Variants in KDM3B observed in about 807,000 individuals in gnomAD.
KDM3B encodes the protein lysine-specific demethylase 3B.
A neutral mutation model predicts 170.0 loss-of-function variants in KDM3B; 10 were observed. That is an observed-to-expected ratio of 0.06 (90% CI 0.04 to 0.10). The LOEUF (loss-of-function observed/expected upper bound fraction) is 0.10, where lower values mean the gene tolerates loss of function less well. KDM3B is among the 10% of genes least tolerant of loss of function. The pLI, the probability that KDM3B is intolerant of heterozygous loss-of-function variation, is 1.00. For missense variants in KDM3B, 1,394 were observed against 2,195.2 expected, an observed-to-expected ratio of 0.64 and a Z score of 7.29; for synonymous variants, 831 against 834.8, an observed-to-expected ratio of 1.00 and a Z score of 0.08.
At chr5:138,416,251 G>T (rs1763100648) in intron 12 of KDM3B, among the ~76,000 whole-genome samples, 1 of 152,004 alleles carries the variant, frequency 6.6e-6, no homozygotes, top group African/African-American at 2.4e-5. Flanking sequence ...CATTGAAGAT[G>T]ATGACTCTGC....
rs923291650 is a variant in KDM3B, at chr5:138,378,762, A to G, written c.581-822A>G. Among the ~76,000 whole-genome samples, 69 of 150,274 alleles carry G rather than the reference A, an allele frequency of 4.6e-4. 1 individual carries two copies. Among genetic ancestry groups the G allele is most frequent in the African/African-American group, 1.5e-3 (63 of 41,084 alleles). The stretch of plus-strand genomic sequence containing the variant: ...GAAAAGAAAATTGAGTGGACAGGAG[A>G]GGTAGGGAGATACATATATATATAG... On this transcript the variant is annotated intron_variant, in intron 4 of 23. Coordinates refer to ENST00000314358, the MANE Select transcript of KDM3B (RefSeq NM_016604.4).
chr5:138,373,648 T>G (rs535039127), intron 2 of KDM3B, among the ~76,000 whole-genome samples: 2 of 151,838 alleles, frequency 1.3e-5, no homozygotes, highest in Non-Finnish European at 2.9e-5. Flanking sequence ...GCACCCAGCC[T>G]AATTTTTGTA....
At chr5:138,357,465 G>T (rs1482758656) in intron 1 of KDM3B, among the ~76,000 whole-genome samples, 1 of 151,804 alleles carries the variant, frequency 6.6e-6, no homozygotes, top group Non-Finnish European at 1.5e-5. Context: ...CTGGGCTCAG[G>T]TGATCCTTCC....
rs369353762 is a variant in KDM3B at position 138,426,968 on chromosome 5, C to T, written c.4412-7C>T. 6.9e-5 allele frequency: 112 copies of T among 1,611,648 alleles called. No individual in the cohort carries two copies. Among genetic ancestry groups the T allele is most frequent in the Middle Eastern group, 5.0e-4 (3 of 6,048 alleles). On this transcript the variant is annotated splice_polypyrimidine_tract_variant and splice_region_variant and intron_variant, in intron 17 of 23. Transcript: ENST00000314358. Reference sequence around the variant, plus strand: ...AGATGTTTGTGGGAGTATTCTCTGTCTTCCAGAACGACTACGGTCAGAAGA... The same window carrying T: ...AGATGTTTGTGGGAGTATTCTCTGTTTTCCAGAACGACTACGGTCAGAAGA...
rs1355632837 is a variant in KDM3B at position 138,435,992 on chromosome 5, A to T, written c.*292A>T. 2.9e-6 allele frequency: 1 copy of T among 345,548 alleles called. No individual in the cohort carries two copies. The highest frequency in any genetic ancestry group is 5.3e-6 in the Non-Finnish European group (1 of 188,334). The allele number at this position is 345,548 out of a possible 1,614,324, so 21.4% of individuals were successfully genotyped here. On this transcript the variant is annotated 3_prime_UTR_variant, in exon 24 of 24. Transcript: ENST00000314358. ...TGAACATGGCGGGGCTTTCCTGCACATTCTCCTGATTTGAGATTCACGGGC... is the reference window on the plus strand; with the variant it reads ...TGAACATGGCGGGGCTTTCCTGCACTTTCTCCTGATTTGAGATTCACGGGC...
intron 1 of KDM3B, among the ~76,000 whole-genome samples, chr5:138,371,830 A>G (rs1761881856): frequency 6.6e-6 from 1 of 152,142 alleles, no homozygotes; most frequent in South Asian, 2.1e-4. Flanking sequence ...TTTAATTTTA[A>G]ATTTTAAAAA....
At position 138,368,787 on chromosome 5, in the gene KDM3B, C is replaced by T. The variant is rs115087612; in HGVS notation, c.193-3887C>T. 3.9e-3 allele frequency among the ~76,000 whole-genome samples: 601 copies of T among 152,240 alleles called. 3 individuals carry two copies. The highest frequency in any genetic ancestry group is 0.014 in the African/African-American group (581 of 41,536). Reference sequence around the variant, plus strand: ...GTTGTTTCAGATTTAACACTTTATTCCATGTCCTTTGCTCAAGTAAGGTAA... The same window carrying T: ...GTTGTTTCAGATTTAACACTTTATTTCATGTCCTTTGCTCAAGTAAGGTAA... On this transcript the variant is annotated intron_variant, in intron 1 of 23. Transcript: ENST00000314358.
chr5:138,406,981 A>ATTTTT (rs745918786), intron 11 of KDM3B, among the ~76,000 whole-genome samples: 2 of 119,048 alleles, frequency 1.7e-5, no homozygotes, highest in Non-Finnish European at 3.4e-5. Context: ...TATGCCAATA[A>ATTTTT]TTTTTTTTTT....
In KDM3B at chr5:138,386,478, G is replaced by A; in HGVS notation, c.1237G>A (p.Val413Ile). ...AGAGGCAGGAAAAACACTGGAACAA[G>A]TTGGCCAGGGCATAGTGGCTTCCGC... ...NKEAGKTLEQ[V>I]GQGIVASAAV... Residue 413 changes from valine to isoleucine, a missense_variant, in exon 7 of 24, where the codon GTT (valine) becomes ATT (isoleucine). Val to Ile is a conservative substitution (Grantham distance 29, BLOSUM62 3). This residue lies in a region of KDM3B where 205 missense variants were observed against 227.6 expected (regional missense o/e 0.90). Transcript: ENST00000314358. 3.1e-6 allele frequency: 5 copies of A among 1,614,206 alleles called. No individual in the cohort carries two copies. Among genetic ancestry groups the A allele is most frequent in the Non-Finnish European group, 4.2e-6 (5 of 1,180,044 alleles).
At chr5:138,367,790 G>T (rs1761778782) in intron 1 of KDM3B, among the ~76,000 whole-genome samples, 1 of 152,062 alleles carries the variant, frequency 6.6e-6, no homozygotes, top group African/African-American at 2.4e-5. Context: ...CGAGGCAGGT[G>T]GATCACGAGG....
In KDM3B at chr5:138,429,815, G is replaced by A. The variant is rs777373609; in HGVS notation, c.4754-11G>A. The A allele has an allele frequency of 6.2e-7, 1 of 1,613,292 alleles. No individual in the cohort carries two copies. The highest frequency in any genetic ancestry group is 1.7e-5 in the Admixed American group (1 of 59,960). ...CTGACTACATTGAAAGTGTCATTTT[G>A]CTCTTTTCAGAGGTACTCAAGACAA... On this transcript the variant is annotated splice_polypyrimidine_tract_variant and intron_variant, in intron 20 of 23. Coordinates refer to ENST00000314358, the MANE Select transcript of KDM3B (RefSeq NM_016604.4).
Position 138,435,807 on chromosome 5 carries a change from A to C in KDM3B, c.*107A>C, listed in dbSNP as rs1444827213. The C allele has an allele frequency of 1.6e-5, 13 of 826,180 alleles. No individual in the cohort carries two copies. 51.2% of individuals were successfully genotyped at this position (826,180 alleles called of 1,614,324 possible). ...GAGCAGAGGCCCTTCACCCAGAGCC[A>C]GTGTGGTCAGTATTCCAAACTCTCC... On this transcript the variant is annotated 3_prime_UTR_variant, in exon 24 of 24. Coordinates refer to ENST00000314358, the MANE Select transcript of KDM3B (RefSeq NM_016604.4).
intron 11 of KDM3B, among the ~76,000 whole-genome samples, chr5:138,400,811 C>G (rs1762664978): frequency 6.6e-6 from 1 of 152,048 alleles, no homozygotes; most frequent in Non-Finnish European, 1.5e-5. Flanking sequence ...TTCATCACCC[C>G]ACACCCCACC....
rs1165348431 is a variant in KDM3B at position 138,424,230 on chromosome 5, A to G, written c.4128A>G (p.Leu1376=). The change falls in exon 16 of 24, where the codon CTA becomes CTG. Residue 1376 remains leucine (L), a synonymous_variant. Transcript: ENST00000314358. ...VKEMVMGLNV[L]DPHTSHSWLC... is the part of the protein sequence containing the mutation. ...AGATGGTGATGGGGTTAAATGTGCTAGATCCCCATACTTCTCACTCCTGGC... is the reference window on the plus strand; with the variant it reads ...AGATGGTGATGGGGTTAAATGTGCTGGATCCCCATACTTCTCACTCCTGGC... The G allele has an allele frequency of 1.9e-6, 3 of 1,614,190 alleles. No individual in the cohort carries two copies. Among genetic ancestry groups the G allele is most frequent in the Non-Finnish European group, 2.5e-6 (3 of 1,180,004 alleles).
chr5:138,400,155 C>T, intron 11 of KDM3B, 143 bp downstream of exon 11: 1 of 701,024 alleles, frequency 1.4e-6, no homozygotes, highest in Non-Finnish European at 2.3e-6. Flanking sequence ...TATTTTAAGA[C>T]CTTAAAATGG....
At chr5:138,385,090 C>T (rs997904921) in intron 6 of KDM3B, among the ~76,000 whole-genome samples, 1 of 151,976 alleles carries the variant, frequency 6.6e-6, no homozygotes, top group Non-Finnish European at 1.5e-5. Flanking sequence ...GGCGCAATCT[C>T]GGCTCACTGC....
chr5:138,376,978 T>C (rs1351008517), intron 3 of KDM3B, among the ~76,000 whole-genome samples: 2 of 152,192 alleles, frequency 1.3e-5, no homozygotes, highest in Non-Finnish European at 2.9e-5. Flanking sequence ...GACTCCTGAG[T>C]TTTACTGTCT....
At chr5:138,377,166 T>A (rs963821155) in intron 3 of KDM3B, among the ~76,000 whole-genome samples, 1 of 152,238 alleles carries the variant, frequency 6.6e-6, no homozygotes, top group Non-Finnish European at 1.5e-5. Flanking sequence ...TTCATATTTA[T>A]AATCCTAGTG....
At chr5:138,431,590 T>C in intron 23 of KDM3B, 31 bp downstream of exon 23, 1 of 1,561,614 alleles carries the variant, frequency 6.4e-7, no homozygotes, top group African/African-American at 1.4e-5. Flanking sequence ...CCCCACTCTG[T>C]CTTCTCATTG....
Sources: gnomAD v4.1 joint callset for allele counts (sites outside exome capture counted in the v4.1 genomes callset) on GRCh38, gnomAD v4.1.1 for gene constraint, gnomAD v4.1.1 regional missense constraint, MANE v1.5 for transcripts, NCBI Gene and HGNC (gene_info 2026-07-23, HGNC 2026-07-21) for gene names.